Variants in NAV1 observed in about 807,000 individuals in gnomAD.
NAV1 encodes pore membrane and/or filament interacting like protein 3.
Under a neutral mutation model 175.2 loss-of-function variants are expected in NAV1, and 18 were observed. That is an observed-to-expected ratio of 0.10 (90% confidence interval 0.07 to 0.15). The LOEUF (loss-of-function observed/expected upper bound fraction) is 0.15. NAV1 is among the 10% of genes least tolerant of loss of function. The pLI is 1.00. For synonymous variants in NAV1, 897 were observed against 978.7 expected, an observed-to-expected ratio of 0.92 and a Z score of 1.56; for missense variants, 1,731 against 2,436.6, an observed-to-expected ratio of 0.71 and a Z score of 6.10.
intron 1 of NAV1, among the ~76,000 whole-genome samples, chr1:201,664,364 A>T (rs915969543): frequency 5.3e-5 from 8 of 152,152 alleles, no homozygotes; most frequent in Non-Finnish European, 7.4e-5. Flanking sequence ...AAACAAATCA[A>T]ATCCTGGCTC....
intron 15 of NAV1, among the ~76,000 whole-genome samples, chr1:201,803,317 A>G (rs1678059485): frequency 6.6e-6 from 1 of 152,220 alleles, no homozygotes; most frequent in South Asian, 2.1e-4. Context: ...AAGTCCTTAG[A>G]CTGATTCAAG....
At position 201,544,224 on chromosome 1, in the gene NAV1, C is replaced by T. The variant is rs1665602390; in HGVS notation, c.-144+4882C>T. ...CTTCAGTGTCTGTCATTTTTAAAAG[C>T]TCCCTAGGTGATTTTGATGCACTGT... On this transcript the variant is annotated intron_variant, in intron 1 of 33. Coordinates refer to the NAV1 transcript ENST00000685211. Among the ~76,000 whole-genome samples the T allele has an allele frequency of 1.3e-5, 2 of 152,198 alleles. 1 individual carries two copies. Among genetic ancestry groups the T allele is most frequent in the South Asian group, 4.1e-4 (2 of 4,830 alleles).
chr1:201,618,470 G>A (rs1207010462), upstream of NAV1, among the ~76,000 whole-genome samples: 1 of 152,094 alleles, frequency 6.6e-6, no homozygotes, highest in African/African-American at 2.4e-5. Context: ...CTTCTCTTCT[G>A]GTTTCCACCC....
At chr1:201,720,428 C>A (rs1672334679) in intron 3 of NAV1, among the ~76,000 whole-genome samples, 1 of 152,168 alleles carries the variant, frequency 6.6e-6, no homozygotes, top group African/African-American at 2.4e-5. Flanking sequence ...GGTGACGGGG[C>A]CCCTGCCCAG....
upstream of NAV1, among the ~76,000 whole-genome samples, chr1:201,622,502 T>G (rs1192270104): frequency 6.6e-6 from 1 of 152,088 alleles, no homozygotes; most frequent in Non-Finnish European, 1.5e-5. Flanking sequence ...AGGAAAGGCC[T>G]GAGGGGGAGG....
intron 1 of NAV1, among the ~76,000 whole-genome samples, chr1:201,660,786 C>G (rs750319520): frequency 3.1e-4 from 47 of 152,222 alleles, no homozygotes; most frequent in Non-Finnish European, 5.3e-4. Context: ...AAATATTTGA[C>G]AACCCTCACA....
In NAV1 at chr1:201,808,911, GA is replaced by G; in HGVS notation, c.4207+44del. The G allele has an allele frequency of 6.3e-7, 1 of 1,583,436 alleles. No homozygotes were observed. The highest frequency in any genetic ancestry group is 8.6e-7 in the Non-Finnish European group (1 of 1,164,100). ...GAAGAATCTATAAGGGTGAAGGGAAGAAAAGGGCTTATTTCACTGTTACACC... is the reference window on the plus strand; with the variant it reads ...GAAGAATCTATAAGGGTGAAGGGAAGAAAGGGCTTATTTCACTGTTACACC... On this transcript the variant is annotated intron_variant, in intron 20 of 29. Coordinates refer to ENST00000367296, the Ensembl canonical transcript of NAV1. This position sits in a 1 kb window ranked among gnomAD's most constrained non-coding sequence, Gnocchi z 5.5.
chr1:201,740,124 G>A lies in NAV1; in HGVS notation c.1226+21369G>A. The A allele has an allele frequency of 7.1e-7, 1 of 1,403,554 alleles. No homozygotes were observed. The highest frequency in any genetic ancestry group is 9.3e-7 in the Non-Finnish European group (1 of 1,074,186). 86.9% of individuals were successfully genotyped at this position (1,403,554 alleles called of 1,614,324 possible). On this transcript the variant is annotated intron_variant, in intron 3 of 29. Coordinates refer to ENST00000367296, the Ensembl canonical transcript of NAV1. This position sits in a 1 kb window ranked among gnomAD's most constrained non-coding sequence, Gnocchi z 4.7. ...CCTCACCGCCAGACCGCAGAGCTGG[G>A]GTCGGGTTTGTGGCACCCCCAGCCC...
At position 201,788,685 on chromosome 1, in the gene NAV1, G is replaced by T. The variant is rs1203818111; in HGVS notation, c.3166+47G>T. The T allele has an allele frequency of 6.5e-7, 1 of 1,547,292 alleles. No homozygotes were observed. Among genetic ancestry groups the T allele is most frequent in the Admixed American group, 1.8e-5 (1 of 56,422 alleles). ...GTTCACGCTCATTCCAGCTCTGCTGGGTCCCCTCACCCACCACCTCCACTC... is the reference window on the plus strand; with the variant it reads ...GTTCACGCTCATTCCAGCTCTGCTGTGTCCCCTCACCCACCACCTCCACTC... On this transcript the variant is annotated intron_variant, in intron 10 of 29. Transcript: ENST00000367296. This position sits in a 1 kb window ranked among gnomAD's most constrained non-coding sequence, Gnocchi z 5.7.
chr1:201,780,298 A>C, intron 3 of NAV1, 123 bp from the exon 8 acceptor site: 1 of 1,103,660 alleles, frequency 9.1e-7, no homozygotes, highest in Non-Finnish European at 1.3e-6. Flanking sequence ...ACAAACCCCC[A>C]GGTTTTCTCC....
intron 2 of NAV1, among the ~76,000 whole-genome samples, chr1:201,632,295 T>C (rs1463791300): frequency 1.3e-5 from 2 of 152,252 alleles, no homozygotes; most frequent in African/African-American, 4.8e-5. Context: ...ATGTTCTTCA[T>C]ATATCCTGAA....
intron 2 of NAV1, among the ~76,000 whole-genome samples, chr1:201,638,972 C>T (rs1403381597): frequency 6.6e-6 from 1 of 152,158 alleles, no homozygotes; most frequent in Non-Finnish European, 1.5e-5. Context: ...AATGTGGGTA[C>T]CCAGCCCCTG....
chr1:201,739,671 C>A, intron 3 of NAV1: 1 of 612,440 alleles, frequency 1.6e-6, no homozygotes, highest in Non-Finnish European at 2.1e-6. Context: ...GAGCCCCCAG[C>A]CCCGTCGGCA....
chr1:201,816,674 C>CTTTTTT lies in NAV1; in HGVS notation c.5341-398_5341-393dup, dbSNP rs35468878. On this transcript the variant is annotated intron_variant, in intron 28 of 29. Coordinates refer to ENST00000367296, the Ensembl canonical transcript of NAV1. ...GAGGATTTACATTTGAGGAAGTGCA[C>CTTTTTT]TTTTTTTTTTTTTTTTTTTTTGAGG... Among the ~76,000 whole-genome samples the CTTTTTT allele has an allele frequency of 5.8e-5, 6 of 102,860 alleles. 1 individual carries two copies. Among genetic ancestry groups the CTTTTTT allele is most frequent in the African/African-American group, 1.1e-4 (3 of 26,362 alleles). 67.5% of individuals were successfully genotyped at this position (102,860 alleles called of 152,430 possible). A position where few individuals can be genotyped will look rare whatever the true frequency, so the allele number is the denominator to read the frequency against.
intron 1 of NAV1, among the ~76,000 whole-genome samples, chr1:201,561,956 A>G (rs939149700): frequency 6.6e-6 from 1 of 152,222 alleles, no homozygotes; most frequent in Admixed American, 6.5e-5. Flanking sequence ...GAATCAACCA[A>G]GGAGACCAAG....
intron 2 of NAV1, among the ~76,000 whole-genome samples, chr1:201,613,451 G>A (rs1333043385): frequency 1.3e-5 from 2 of 152,168 alleles, no homozygotes; most frequent in South Asian, 2.1e-4. Flanking sequence ...TGGAAATTTG[G>A]GGCAGAACAG....
intron 2 of NAV1, among the ~76,000 whole-genome samples, chr1:201,642,718 C>A (rs1668836140): frequency 7.0e-6 from 1 of 142,722 alleles, no homozygotes; most frequent in Non-Finnish European, 1.5e-5. Flanking sequence ...TTCTTTCTTT[C>A]TTCCCTTCCT....
chr1:201,652,088 G>A (rs1669226027), intron 1 of NAV1, among the ~76,000 whole-genome samples: 1 of 152,096 alleles, frequency 6.6e-6, no homozygotes, highest in Non-Finnish European at 1.5e-5. Context: ...TCAGTGTACA[G>A]CAGGGTGGCC....
At chr1:201,711,349 C>T (rs1244931879) in intron 1 of NAV1, among the ~76,000 whole-genome samples, 2 of 152,248 alleles carry the variant, frequency 1.3e-5, no homozygotes, top group Non-Finnish European at 2.9e-5. Flanking sequence ...GCCCAAAAGG[C>T]TCTGGAGAGG....
Sources: gnomAD v4.1 joint callset for allele counts (sites outside exome capture counted in the v4.1 genomes callset) on GRCh38, gnomAD v4.1.1 for gene constraint, Gnocchi (gnomAD v3.1) non-coding constraint, MANE v1.5 for transcripts, NCBI Gene and HGNC (gene_info 2026-07-23, HGNC 2026-07-21) for gene names.